Variants in ARHGAP26 observed in about 807,000 individuals in gnomAD.
ARHGAP26 encodes rho GTPase-activating protein 26.
In ARHGAP26, 38 loss-of-function variants were observed where a neutral mutation model predicts 104.8. That is an observed-to-expected ratio of 0.36 (90% CI 0.28 to 0.48). The LOEUF (loss-of-function observed/expected upper bound fraction) is 0.48. Among genes scored for constraint, ARHGAP26 ranks in the 20% least tolerant of loss-of-function variants. ARHGAP26 has a pLI of 0.99. For missense variants in ARHGAP26, 704 were observed against 947.9 expected, an observed-to-expected ratio of 0.74 and a Z score of 3.38; for synonymous variants, 341 against 340.0, an observed-to-expected ratio of 1.00 and a Z score of -0.03.
chr5:143,161,085 C>T (rs532247070), intron 20 of ARHGAP26, among the ~76,000 whole-genome samples: 2 of 141,998 alleles, frequency 1.4e-5, no homozygotes, highest in South Asian at 4.7e-4. Flanking sequence ...GATCTCAATT[C>T]ACTGCAACCT....
chr5:142,988,651 C>T (rs1598502464), intron 11 of ARHGAP26, among the ~76,000 whole-genome samples: 1 of 152,220 alleles, frequency 6.6e-6, no homozygotes, highest in Non-Finnish European at 1.5e-5. Context: ...TCACTCTACA[C>T]ACAGCTTTAA....
rs373766486 is a variant in ARHGAP26 at position 143,085,001 on chromosome 5, C to T, written c.1538+27254C>T. ...CGGAGGTTACAGTGAGCCGAGATCG[C>T]GCCACTGCACTCCAGCCTGGGCAAC... On this transcript the variant is annotated intron_variant, in intron 17 of 22. Coordinates refer to ENST00000645722, the MANE Select transcript of ARHGAP26 (RefSeq NM_001135608.3). Among the ~76,000 whole-genome samples the T allele has an allele frequency of 3.4e-5, 5 of 146,652 alleles. No individual in the cohort carries two copies. The South Asian group carries it at 6.5e-4, about 19-fold the overall frequency.
intron 1 of ARHGAP26, among the ~76,000 whole-genome samples, chr5:142,865,705 G>T (rs1754158033): frequency 6.6e-6 from 1 of 152,088 alleles, no homozygotes; most frequent in Non-Finnish European, 1.5e-5. Flanking sequence ...TTAGTAAAAG[G>T]CTTAATTGTT....
At chr5:142,960,410 A>C (rs1478137722) in intron 11 of ARHGAP26, among the ~76,000 whole-genome samples, 1 of 152,266 alleles carries the variant, frequency 6.6e-6, no homozygotes, top group Non-Finnish European at 1.5e-5. Flanking sequence ...TTCCAGAAAT[A>C]AACAATTCAT....
chr5:142,921,731 T>C (rs1174641763), intron 10 of ARHGAP26: 1 of 157,634 alleles, frequency 6.3e-6, no homozygotes, highest in Non-Finnish European at 1.5e-5. Flanking sequence ...ACTAGCTGTG[T>C]GACTCTGGGT....
chr5:143,209,332 A>G (rs1809076674), intron 21 of ARHGAP26, among the ~76,000 whole-genome samples: 1 of 152,096 alleles, frequency 6.6e-6, no homozygotes, highest in Non-Finnish European at 1.5e-5. Flanking sequence ...CCTACCTCCC[A>G]AAGTATTTCC....
chr5:142,834,636 A>C (rs1411220323), intron 1 of ARHGAP26, among the ~76,000 whole-genome samples: 1 of 152,178 alleles, frequency 6.6e-6, no homozygotes, highest in Non-Finnish European at 1.5e-5. Context: ...GTAGTCTTTC[A>C]TCCTGGGCAT....
rs1454944274 is a variant in ARHGAP26 at position 143,224,706 on chromosome 5, CA to C, written c.*2261del. On this transcript the variant is annotated 3_prime_UTR_variant, in exon 23 of 23. Coordinates refer to ENST00000645722, the MANE Select transcript of ARHGAP26 (RefSeq NM_001135608.3). ...TAAAGAACCAGCTTCTTAGAATGTTCAGTTCTCAATGTGCTGCTGCTTTCCC... is the reference window on the plus strand; with the variant it reads ...TAAAGAACCAGCTTCTTAGAATGTTCGTTCTCAATGTGCTGCTGCTTTCCC... 3.9e-5 allele frequency: 9 copies of C among 229,330 alleles called. No individual in the cohort carries two copies. Among genetic ancestry groups the C allele is most frequent in the Admixed American group, 2.3e-4 (4 of 17,652 alleles). The allele number at this position is 229,330 out of a possible 1,614,324, so 14.2% of individuals were successfully genotyped here.
chr5:142,805,859 A>G (rs1417267637), intron 1 of ARHGAP26, among the ~76,000 whole-genome samples: 1 of 152,192 alleles, frequency 6.6e-6, no homozygotes, highest in Admixed American at 6.5e-5. Context: ...ATTTTGGACC[A>G]GGAATGTCAT....
intron 11 of ARHGAP26, among the ~76,000 whole-genome samples, chr5:142,972,372 G>T (rs952593514): frequency 6.6e-6 from 1 of 152,052 alleles, no homozygotes; most frequent in Non-Finnish European, 1.5e-5. Flanking sequence ...TCTAATATTT[G>T]AGTGAAAGGA....
rs564277304 is a variant in ARHGAP26, at chr5:142,835,448, G to A, written c.155-37952G>A. Among the ~76,000 whole-genome samples, 5 of 152,304 alleles carry A rather than the reference G, an allele frequency of 3.3e-5. No individual in the cohort carries two copies. In the South Asian group the frequency reaches 1.0e-3, roughly 32 times the overall value. On this transcript the variant is annotated intron_variant, in intron 1 of 22. Coordinates refer to ENST00000645722, the MANE Select transcript of ARHGAP26 (RefSeq NM_001135608.3). ...AGTCAAGGTAATATCAAGTCTATTT[G>A]ATACAAGAAGAGTCTCTGATTCATC...
chr5:142,963,183 T>C lies in ARHGAP26; in HGVS notation c.1107+31058T>C, dbSNP rs1337351356. 7.4e-3 allele frequency among the ~76,000 whole-genome samples: 793 copies of C among 107,368 alleles called. 35 individuals are homozygous for C. Among genetic ancestry groups the C allele is most frequent in the African/African-American group, 0.038 (742 of 19,536 alleles). The allele number at this position is 107,368 out of a possible 152,430, so 70.4% of individuals were successfully genotyped here. A position where few individuals can be genotyped will look rare whatever the true frequency, so the allele number is the denominator to read the frequency against. ...TCCATGGTATATATGTATATATATA[T>C]ATATATATATATATATGTGTGTGTG... On this transcript the variant is annotated intron_variant, in intron 11 of 22. Coordinates refer to ENST00000645722, the MANE Select transcript of ARHGAP26 (RefSeq NM_001135608.3).
chr5:143,092,057 A>G (rs1791510153), intron 17 of ARHGAP26, among the ~76,000 whole-genome samples: 1 of 152,040 alleles, frequency 6.6e-6, no homozygotes, highest in Non-Finnish European at 1.5e-5. Flanking sequence ...AAATTATACA[A>G]TATTTCTTGC....
At chr5:143,183,343 G>C (rs747091209) in intron 20 of ARHGAP26, among the ~76,000 whole-genome samples, 6 of 152,184 alleles carry the variant, frequency 3.9e-5, no homozygotes, top group Non-Finnish European at 8.8e-5. Flanking sequence ...GGTAGGACCT[G>C]CCTGCTGATC....
intron 1 of ARHGAP26, among the ~76,000 whole-genome samples, chr5:142,781,641 T>C (rs892028499): frequency 3.3e-5 from 5 of 152,078 alleles, no homozygotes; most frequent in Non-Finnish European, 7.4e-5. Context: ...CTGCTGAAAA[T>C]CTGTTTTACT....
intron 17 of ARHGAP26, among the ~76,000 whole-genome samples, chr5:143,077,549 C>T (rs1194132158): frequency 6.6e-6 from 1 of 152,132 alleles, no homozygotes; most frequent in African/African-American, 2.4e-5. Context: ...ACCTCAGAAG[C>T]CAAGCAGCAG....
chr5:143,041,738 AAAAG>A, intron 13 of ARHGAP26, 74 bp from the exon 14 acceptor site: 1 of 1,124,544 alleles, frequency 8.9e-7, no homozygotes, highest in African/African-American at 1.6e-5. Context: ...AAAAAAAAAA[AAAAG>A]TGCATTTGGC....
chr5:143,018,743 C>T (rs1207745992), intron 12 of ARHGAP26, among the ~76,000 whole-genome samples: 3 of 152,186 alleles, frequency 2.0e-5, no homozygotes, highest in African/African-American at 7.2e-5. Flanking sequence ...AACTTTGAGG[C>T]AACTCTTAAT....
chr5:143,115,420 ATT>A (rs796898822), intron 17 of ARHGAP26, among the ~76,000 whole-genome samples: 1 of 148,930 alleles, frequency 6.7e-6, no homozygotes, highest in African/African-American at 2.5e-5. Flanking sequence ...AGTATTTCAT[ATT>A]TTTTTTTTAC....
Sources: allele counts gnomAD v4.1 joint callset (sites outside exome capture counted in the v4.1 genomes callset), GRCh38; gene constraint gnomAD v4.1.1; transcripts MANE v1.5; gene names NCBI Gene and HGNC (gene_info 2026-07-23, HGNC 2026-07-21).